The following STAC variants were observed in gnomAD, a reference collection of about 807,000 sequenced individuals.
The protein encoded by STAC is SH3 and cysteine-rich domain-containing protein.
A neutral mutation model predicts 48.8 loss-of-function variants in STAC; 43 were observed. That is an observed-to-expected ratio of 0.88 (90% CI 0.69 to 1.14). The LOEUF is 1.14. STAC is among the 50% of genes most tolerant of loss of function. The pLI, the probability that STAC is intolerant of heterozygous loss-of-function variation, is 0.00. For missense variants in STAC, 497 were observed against 504.0 expected (o/e 0.99, Z 0.13); for synonymous variants, 193 against 179.5 (o/e 1.07, Z -0.60).
At chr3:36,433,988 A>C (rs763633015) in intron 1 of STAC, among the ~76,000 whole-genome samples, 2 of 152,244 alleles carry the variant, frequency 1.3e-5, no homozygotes, top group Admixed American at 6.5e-5. Flanking sequence ...CTTAATGTAA[A>C]AGAAATCAAG....
At chr3:36,520,785 C>T (rs1698783559) in intron 8 of STAC, among the ~76,000 whole-genome samples, 1 of 152,160 alleles carries the variant, frequency 6.6e-6, no homozygotes, top group Non-Finnish European at 1.5e-5. Flanking sequence ...TTAGCAGCCT[C>T]CCTCTCACTC....
chr3:36,473,499 G>A (rs547149904), intron 2 of STAC, among the ~76,000 whole-genome samples: 48 of 152,172 alleles, frequency 3.2e-4, no homozygotes, highest in Non-Finnish European at 4.7e-4. Context: ...CCAAAGAGAC[G>A]GCCCCTTCAT....
chr3:36,470,532 T>G (rs1697301607), intron 2 of STAC, among the ~76,000 whole-genome samples: 1 of 152,248 alleles, frequency 6.6e-6, no homozygotes, highest in Non-Finnish European at 1.5e-5. Flanking sequence ...TGGTTTTGTG[T>G]TGGTTGGCCT....
At position 36,483,001 on chromosome 3, in the gene STAC, C is replaced by A. The variant is rs530025225; in HGVS notation, c.398C>A (p.Ala133Asp). ...GCCATGTACCTGACAGGAACAAATG[C>A]TAAGCATGGACTGCGCTGCAAAGCC... ...VCNHMIVGTNAKHGLRCKACK... is the reference protein window; with the variant it reads ...VCNHMIVGTNDKHGLRCKACK... Residue 133 changes from alanine (A) to aspartate (D), a missense_variant, in exon 3 of 11, where the codon GCT (alanine) becomes GAT (aspartate). Physicochemically the swap from Ala to Asp is moderately radical, Grantham distance 126. Coordinates refer to ENST00000273183, the MANE Select transcript of STAC (RefSeq NM_003149.3). The A allele has an allele frequency of 1.9e-6, 3 of 1,613,826 alleles. No individual in the cohort carries two copies. The highest frequency in any genetic ancestry group is 2.5e-6 in the Non-Finnish European group (3 of 1,179,736).
intron 6 of STAC, among the ~76,000 whole-genome samples, chr3:36,494,165 A>AG (rs891700875): frequency 2.7e-5 from 4 of 150,742 alleles, no homozygotes; most frequent in South Asian, 2.1e-4. Flanking sequence ...AAAAAAAAAA[A>AG]AAAAAAAAAG....
intron 8 of STAC, among the ~76,000 whole-genome samples, chr3:36,518,187 C>G (rs946371392): frequency 2.6e-5 from 4 of 152,136 alleles, no homozygotes; most frequent in African/African-American, 9.7e-5. Context: ...TGTAAATAAT[C>G]AGCAGATATA....
chr3:36,408,405 G>C (rs1304446268), intron 1 of STAC, among the ~76,000 whole-genome samples: 3 of 152,126 alleles, frequency 2.0e-5, no homozygotes, highest in Non-Finnish European at 4.4e-5. Flanking sequence ...AGACCCTATT[G>C]TTTGCCTACC....
intron 10 of STAC, among the ~76,000 whole-genome samples, chr3:36,538,373 A>T (rs1699247308): frequency 6.6e-6 from 1 of 152,182 alleles, no homozygotes; most frequent in Admixed American, 6.6e-5. Context: ...AAAGTTTGCC[A>T]ATCCTTAGTC....
intron 2 of STAC, among the ~76,000 whole-genome samples, chr3:36,455,343 C>A (rs201285961): frequency 3.3e-4 from 51 of 152,308 alleles, no homozygotes; most frequent in African/African-American, 1.2e-3. Context: ...GTAGACACAG[C>A]AATGAATCCT....
intron 1 of STAC, among the ~76,000 whole-genome samples, chr3:36,402,801 C>T (rs1376451428): frequency 3.9e-5 from 6 of 152,168 alleles, no homozygotes; most frequent in African/African-American, 1.2e-4. Context: ...ATCCCACCCA[C>T]GTATCCTAAA....
At chr3:36,465,727 A>G (rs1055318082) in intron 2 of STAC, among the ~76,000 whole-genome samples, 1 of 152,164 alleles carries the variant, frequency 6.6e-6, no homozygotes, top group African/African-American at 2.4e-5. Flanking sequence ...CCCAAAACTG[A>G]AGAACTTGGA....
chr3:36,534,953 C>G (rs1699164389), intron 10 of STAC, among the ~76,000 whole-genome samples: 1 of 152,218 alleles, frequency 6.6e-6, no homozygotes, highest in African/African-American at 2.4e-5. Context: ...GCCACTGCAC[C>G]TGGCCTCTTC....
intron 8 of STAC, among the ~76,000 whole-genome samples, chr3:36,525,530 C>T (rs949065133): frequency 1.3e-5 from 2 of 152,136 alleles, no homozygotes; most frequent in Non-Finnish European, 2.9e-5. Context: ...GGGAAAGGTA[C>T]CTCCCACAGT....
chr3:36,505,862 G>A (rs762020013), intron 8 of STAC, 28 bp downstream of exon 8: 2 of 1,496,318 alleles, frequency 1.3e-6, no homozygotes, highest in African/African-American at 1.4e-5. Context: ...AGAAAAAAAA[G>A]AGTAAAATTT....
intron 1 of STAC, among the ~76,000 whole-genome samples, chr3:36,434,508 G>A (rs954304091): frequency 1.3e-5 from 2 of 152,190 alleles, no homozygotes; most frequent in African/African-American, 4.8e-5. Context: ...AAAAGCCAGT[G>A]CATTATTGGT....
chr3:36,495,687 A>T (rs930381285), intron 6 of STAC, among the ~76,000 whole-genome samples: 12 of 152,214 alleles, frequency 7.9e-5, no homozygotes, highest in African/African-American at 2.7e-4. Context: ...CTTCTCTCAA[A>T]AGGTGGTCTT....
At chr3:36,538,396 A>G (rs1314324043) in intron 10 of STAC, among the ~76,000 whole-genome samples, 1 of 152,190 alleles carries the variant, frequency 6.6e-6, no homozygotes, top group Non-Finnish European at 1.5e-5. Context: ...GATGTACAGG[A>G]ATGTGTTTAA....
intron 1 of STAC, among the ~76,000 whole-genome samples, chr3:36,402,094 G>T (rs1399994399): frequency 1.3e-5 from 2 of 152,100 alleles, no homozygotes; most frequent in East Asian, 3.8e-4. Context: ...TTGTTTGTTT[G>T]TTTGTTTTTG....
intron 2 of STAC, among the ~76,000 whole-genome samples, chr3:36,467,121 A>T (rs1192207838): frequency 6.6e-6 from 1 of 151,810 alleles, no homozygotes; most frequent in Non-Finnish European, 1.5e-5. Flanking sequence ...TTCATTTTTA[A>T]TTCTGTTTAT....
Sources: gnomAD v4.1 joint callset for allele counts (sites outside exome capture counted in the v4.1 genomes callset) on GRCh38, gnomAD v4.1.1 for gene constraint, MANE v1.5 for transcripts, NCBI Gene and HGNC (gene_info 2026-07-23, HGNC 2026-07-21) for gene names.